Variants in NEDD4 observed in about 807,000 individuals in gnomAD.
NEDD4 encodes the protein NEDD4 E3 ubiquitin protein ligase, also known as E3 ubiquitin-protein ligase NEDD4.
A neutral mutation model predicts 144.9 loss-of-function variants in NEDD4; 99 were observed. That is an observed-to-expected ratio of 0.68 (90% CI 0.58 to 0.81). The LOEUF is 0.81. Among genes scored for constraint, NEDD4 ranks in the 30% least tolerant of loss-of-function variants. NEDD4 has a pLI of 0.00. For missense variants in NEDD4, 985 were observed against 1,065.9 expected (o/e 0.92, Z 1.06); for synonymous variants, 318 against 350.6 (o/e 0.91, Z 1.04).
chr15:55,861,995 C>T (rs905655568), intron 9 of NEDD4, among the ~76,000 whole-genome samples: 5 of 152,044 alleles, frequency 3.3e-5, no homozygotes, highest in African/African-American at 9.7e-5. Context: ...TGTGATTTTG[C>T]TCATGTAAGG....
intron 2 of NEDD4, among the ~76,000 whole-genome samples, chr15:55,963,885 T>G (rs2037466444): frequency 1.3e-5 from 2 of 152,214 alleles, no homozygotes; most frequent in Admixed American, 1.3e-4. Flanking sequence ...AAAGGATATT[T>G]TCACTGAATA....
chr15:55,829,937 A>G lies in NEDD4; in HGVS notation c.2663T>C (p.Met888Thr), dbSNP rs1479065813. 6 of 1,613,794 alleles carry G rather than the reference A, an allele frequency of 3.7e-6. No individual in the cohort carries two copies. Among genetic ancestry groups the G allele is most frequent in the Non-Finnish European group, 5.1e-6 (6 of 1,179,916 alleles). Residue 888 changes from methionine to threonine, a missense_variant, in exon 29 of 29, where the codon ATG (methionine) becomes ACG (threonine). Coordinates refer to ENST00000435532, the MANE Select transcript of NEDD4 (RefSeq NM_006154.4). ...SFEELWDKLQ[M>T]AIENTQGFDG... ...AAAGCCCTGGGTGTTTTCAATTGCCATCTGAAGTTTATCCCATAATTCTTC... is the reference window on the plus strand; with the variant it reads ...AAAGCCCTGGGTGTTTTCAATTGCCGTCTGAAGTTTATCCCATAATTCTTC...
chr15:55,846,766 A>G (rs186506076), intron 18 of NEDD4, among the ~76,000 whole-genome samples: 36 of 152,334 alleles, frequency 2.4e-4, no homozygotes, highest in Non-Finnish European at 4.3e-4. Context: ...TATAAAATAT[A>G]CTGAAAAATA....
rs1289093331 is a variant in NEDD4 at position 55,839,985 on chromosome 15, AAAAAAAAAAAAAAAATATATATATAT to A, written c.2031+436_2031+461del. Among the ~76,000 whole-genome samples, 7 of 49,584 alleles carry A rather than the reference AAAAAAAAAAAAAAAATATATATATAT, an allele frequency of 1.4e-4. 1 individual carries two copies. The highest frequency in any genetic ancestry group is 1.1e-3 in the Admixed American group (4 of 3,538). 32.5% of individuals were successfully genotyped at this position (49,584 alleles called of 152,430 possible). ...TGACACTCTGTCTCAAAAAAAAAAAAAAAAAAAAAAAAAAATATATATATATATATATATATATATATATATATATA... is the reference window on the plus strand; with the variant it reads ...TGACACTCTGTCTCAAAAAAAAAAAAATATATATATATATATATATATATA... On this transcript the variant is annotated intron_variant, in intron 21 of 28. Coordinates refer to ENST00000435532, the MANE Select transcript of NEDD4 (RefSeq NM_006154.4).
intron 5 of NEDD4, among the ~76,000 whole-genome samples, chr15:55,883,285 G>C (rs911098195): frequency 2.0e-5 from 3 of 152,174 alleles, no homozygotes; most frequent in African/African-American, 7.2e-5. Context: ...GAGTGGCCAC[G>C]GAGAGACTCT....
chr15:55,905,878 T>C (rs2036073862), intron 5 of NEDD4, among the ~76,000 whole-genome samples: 1 of 152,210 alleles, frequency 6.6e-6, no homozygotes, highest in African/African-American at 2.4e-5. Flanking sequence ...TTTAGTTTAA[T>C]TAGATCCCAT....
intron 5 of NEDD4, among the ~76,000 whole-genome samples, chr15:55,881,667 T>C (rs2035198249): frequency 6.6e-6 from 1 of 152,146 alleles, no homozygotes; most frequent in Non-Finnish European, 1.5e-5. Context: ...TTTTTTTTGG[T>C]TTAGTCTTAT....
intron 1 of NEDD4, among the ~76,000 whole-genome samples, chr15:55,988,964 G>A (rs1221610718): frequency 1.3e-5 from 2 of 152,136 alleles, no homozygotes; most frequent in African/African-American, 2.4e-5. Context: ...GGACGGGCGC[G>A]GTGCCTCACG....
chr15:55,942,716 T>C (rs1429986323), intron 4 of NEDD4, among the ~76,000 whole-genome samples: 4 of 152,168 alleles, frequency 2.6e-5, no homozygotes, highest in South Asian at 2.1e-4. Context: ...AACAAACTAA[T>C]ACAGAAAATT....
At position 55,990,928 on chromosome 15, in the gene NEDD4, G is replaced by A. The variant is rs549313843; in HGVS notation, c.45+2583C>T. ...AGGTAAAATCCTGCACATGCAGCCA[G>A]GGTGATCTCTTACTATAAGTCACTT... On this transcript the variant is annotated intron_variant, in intron 1 of 28. Coordinates refer to ENST00000435532, the MANE Select transcript of NEDD4 (RefSeq NM_006154.4). Among the ~76,000 whole-genome samples the A allele has an allele frequency of 2.6e-5, 4 of 152,302 alleles. No individual in the cohort carries two copies. In the East Asian group the frequency reaches 5.8e-4, roughly 22 times the overall value.
At chr15:55,969,214 C>T (rs2037567974) in intron 1 of NEDD4, among the ~76,000 whole-genome samples, 1 of 152,176 alleles carries the variant, frequency 6.6e-6, no homozygotes, top group African/African-American at 2.4e-5. Flanking sequence ...CAGAAGTCAG[C>T]TTGCACCCAT....
intron 5 of NEDD4, among the ~76,000 whole-genome samples, chr15:55,874,437 T>A (rs1595780980): frequency 6.6e-6 from 1 of 151,744 alleles, no homozygotes; most frequent in Non-Finnish European, 1.5e-5. Flanking sequence ...GCTTGAGGAG[T>A]CAGAAGGCCT....
intron 12 of NEDD4, among the ~76,000 whole-genome samples, chr15:55,855,846 T>A (rs574737851): frequency 6.6e-6 from 1 of 152,334 alleles, no homozygotes; most frequent in South Asian, 2.1e-4. Context: ...TCCTGAATTG[T>A]ATGCCGTATG....
chr15:55,852,245 C>T (rs755478346), intron 13 of NEDD4, among the ~76,000 whole-genome samples, 179 bp downstream of exon 13: 6 of 151,022 alleles, frequency 4.0e-5, no homozygotes, highest in East Asian at 2.0e-4. Flanking sequence ...CAGTGAGCCA[C>T]GATCACGCCA....
chr15:55,989,705 C>T (rs764665783), intron 1 of NEDD4, among the ~76,000 whole-genome samples: 1 of 152,120 alleles, frequency 6.6e-6, no homozygotes, highest in Admixed American at 6.5e-5. Flanking sequence ...TTATAGGAAA[C>T]AGAAATCATT....
intron 2 of NEDD4, among the ~76,000 whole-genome samples, chr15:55,964,651 GT>G (rs34169831): frequency 2.3e-3 from 28 of 12,426 alleles, no homozygotes; most frequent in African/African-American, 0.011. Flanking sequence ...TTTGCTGCTG[GT>G]GTGTGTGTGT....
At chr15:55,867,986 G>A (rs1352273130) in intron 8 of NEDD4, among the ~76,000 whole-genome samples, 3 of 151,174 alleles carry the variant, frequency 2.0e-5, no homozygotes, top group African/African-American at 4.9e-5. Context: ...AACCCAGGAG[G>A]CAGAGGCTGC....
intron 8 of NEDD4, among the ~76,000 whole-genome samples, chr15:55,864,644 T>C (rs1238902403): frequency 6.7e-6 from 1 of 148,854 alleles, no homozygotes; most frequent in African/African-American, 2.5e-5. Flanking sequence ...ATCACGCCAT[T>C]GCACTCCAGC....
intron 5 of NEDD4, chr15:55,905,317 T>C: frequency 2.2e-6 from 1 of 455,100 alleles, no homozygotes; most frequent in Non-Finnish European, 4.4e-6. Context: ...AGAAGTTTCT[T>C]CTCTGGAGAA....
Sources: allele counts gnomAD v4.1 joint callset (sites outside exome capture counted in the v4.1 genomes callset), GRCh38; gene constraint gnomAD v4.1.1; transcripts MANE v1.5; gene names NCBI Gene and HGNC (gene_info 2026-07-23, HGNC 2026-07-21).